Variants in CAST observed in about 807,000 individuals in gnomAD.
CAST encodes the protein MIR583 host.
Under a neutral mutation model 119.6 loss-of-function variants are expected in CAST, and 76 were observed. The ratio of observed to expected loss-of-function variants is 0.64; its 90% CI spans 0.53 to 0.77. The LOEUF (loss-of-function observed/expected upper bound fraction) is 0.77, where lower values mean the gene tolerates loss of function less well. Ranked by LOEUF, CAST falls within the 30% of genes least tolerant of loss-of-function variation. The pLI is 0.00. For missense variants in CAST, 953 were observed against 946.5 expected, an observed-to-expected ratio of 1.01 and a Z score of -0.09; for synonymous variants, 319 against 331.6, an observed-to-expected ratio of 0.96 and a Z score of 0.41.
the CAST span, among the ~76,000 whole-genome samples, chr5:96,236,111 GTCTA>G: frequency 5.9e-5 from 9 of 151,770 alleles, no homozygotes; most frequent in African/African-American, 2.2e-4. Context: ...CTGTCTGTCT[GTCTA>G]TCTATCTATC....
chr5:96,561,095 C>G (rs185768132), intron 1 of CAST, among the ~76,000 whole-genome samples: 27 of 150,640 alleles, frequency 1.8e-4, no homozygotes, highest in African/African-American at 4.9e-4. Flanking sequence ...AGCAAACTAT[C>G]GCAAGGACAA....
the CAST span, among the ~76,000 whole-genome samples, chr5:96,045,280 G>C: frequency 6.6e-6 from 1 of 151,862 alleles, no homozygotes; most frequent in Non-Finnish European, 1.5e-5. Flanking sequence ...TTGAACCCAG[G>C]AGGCGGAGGT....
At chr5:96,041,544 T>G in the CAST span, among the ~76,000 whole-genome samples, 2 of 152,136 alleles carry the variant, frequency 1.3e-5, no homozygotes, top group Non-Finnish European at 2.9e-5. Flanking sequence ...TAAATCTAAA[T>G]AAACTACTGT....
the CAST span, among the ~76,000 whole-genome samples, chr5:96,191,847 C>T: frequency 3.3e-5 from 5 of 152,124 alleles, no homozygotes; most frequent in Non-Finnish European, 5.9e-5. Flanking sequence ...GGATTACAGG[C>T]GTGTGCCACT....
chr5:96,638,020 T>C (rs1747905512), intron 1 of CAST, among the ~76,000 whole-genome samples: 1 of 152,176 alleles, frequency 6.6e-6, no homozygotes, highest in Non-Finnish European at 1.5e-5. Context: ...GAAAAGTCAA[T>C]TTCTCTGACT....
At chr5:96,214,239 A>C in the CAST span, among the ~76,000 whole-genome samples, 1 of 152,212 alleles carries the variant, frequency 6.6e-6, no homozygotes, top group Non-Finnish European at 1.5e-5. Flanking sequence ...AGCATGAATA[A>C]GAAATAATTT....
At chr5:96,717,140 G>T (rs989579288) in intron 3 of CAST, among the ~76,000 whole-genome samples, 2 of 152,194 alleles carry the variant, frequency 1.3e-5, no homozygotes, top group South Asian at 2.1e-4. Flanking sequence ...TAGGCACTGT[G>T]GGGAGTAGAA....
the CAST span, among the ~76,000 whole-genome samples, chr5:96,276,979 A>G: frequency 6.6e-6 from 1 of 152,210 alleles, no homozygotes; most frequent in Admixed American, 6.5e-5. Flanking sequence ...CTGTCTCTTC[A>G]GTAGTATGCT....
Position 96,746,357 on chromosome 5 carries a change from G to T in CAST, c.1216G>T (p.Glu406Ter), listed in dbSNP as rs1423401059. 3 of 1,609,064 alleles carry T rather than the reference G, an allele frequency of 1.9e-6. No homozygotes were observed. The highest frequency in any genetic ancestry group is 2.6e-6 in the Non-Finnish European group (3 of 1,175,458). Residue 406 changes from glutamate to a stop codon, truncating the protein, a stop_gained, in exon 17 of 32, where the codon GAA becomes TAA. Coordinates refer to ENST00000675179, the MANE Select transcript of CAST (RefSeq NM_001750.7). LOFTEE classifies it high-confidence loss of function. ...KEVDEAKAKE[E>*]KLEKCGEDDE... is the part of the protein sequence containing the mutation. ...TTTTCATCAGGCAAAAGCTAAAGAA[G>T]AAAAACTAGAGAAGTGTGGTGAGGA... is the stretch of plus-strand genomic sequence containing the variant.
chr5:96,308,054 C>T, the CAST span, among the ~76,000 whole-genome samples: 1 of 152,152 alleles, frequency 6.6e-6, no homozygotes, highest in Non-Finnish European at 1.5e-5. Context: ...TGTTTTCCAA[C>T]TTGGTTCCAT....
chr5:96,354,379 C>G, the CAST span, among the ~76,000 whole-genome samples: 2 of 152,098 alleles, frequency 1.3e-5, no homozygotes, highest in Non-Finnish European at 2.9e-5. Context: ...CCTCACCACC[C>G]CATCTATGTA....
At chr5:96,374,826 G>T in the CAST span, among the ~76,000 whole-genome samples, 8 of 152,258 alleles carry the variant, frequency 5.3e-5, no homozygotes, top group Admixed American at 4.6e-4. Flanking sequence ...TGGAAGAAAG[G>T]TTCCGGTTCT....
the CAST span, among the ~76,000 whole-genome samples, chr5:96,449,360 C>T: frequency 1.3e-5 from 2 of 152,172 alleles, no homozygotes; most frequent in Non-Finnish European, 2.9e-5. Context: ...ACCTGAGCTC[C>T]GCCTCCTACT....
intron 24 of CAST, among the ~76,000 whole-genome samples, chr5:96,759,481 A>C (rs1300455425): frequency 6.6e-6 from 1 of 152,134 alleles, no homozygotes; most frequent in Non-Finnish European, 1.5e-5. Context: ...AAACACCTTT[A>C]TCAATAGTAG....
intron 1 of CAST, among the ~76,000 whole-genome samples, chr5:96,636,742 T>C (rs1196802133): frequency 6.6e-6 from 1 of 152,166 alleles, no homozygotes; most frequent in Non-Finnish European, 1.5e-5. Context: ...AACTGGTCAG[T>C]GGTGGCTGTG....
the CAST span, among the ~76,000 whole-genome samples, chr5:96,140,108 AT>A: frequency 6.6e-6 from 1 of 152,170 alleles, no homozygotes; most frequent in Non-Finnish European, 1.5e-5. Flanking sequence ...GTCATTTTGT[AT>A]TTCTTAGATT....
the CAST span, among the ~76,000 whole-genome samples, chr5:96,446,612 A>G: frequency 3.3e-5 from 5 of 152,200 alleles, no homozygotes; most frequent in South Asian, 2.1e-4. Context: ...ATCTCTAAAA[A>G]TAAAATTTAA....
intron 3 of CAST, among the ~76,000 whole-genome samples, chr5:96,712,930 T>C (rs1039862755): frequency 1.3e-5 from 2 of 152,204 alleles, no homozygotes; most frequent in African/African-American, 4.8e-5. Context: ...TATCCTCATA[T>C]GTTCCTCCCT....
the CAST span, among the ~76,000 whole-genome samples, chr5:96,156,483 G>C: frequency 2.6e-5 from 4 of 152,182 alleles, no homozygotes; most frequent in South Asian, 8.3e-4. Flanking sequence ...GTATAAGATG[G>C]GTGATCCTAT....
Sources: allele counts gnomAD v4.1 joint callset (sites outside exome capture counted in the v4.1 genomes callset), GRCh38; gene constraint gnomAD v4.1.1; transcripts MANE v1.5; gene names NCBI Gene and HGNC (gene_info 2026-07-23, HGNC 2026-07-21).